The following PXDNL variants were observed in gnomAD, a reference collection of about 807,000 sequenced individuals.
PXDNL encodes the protein probable oxidoreductase PXDNL.
In PXDNL, 145 loss-of-function variants were observed where a neutral mutation model predicts 150.8. The observed-to-expected ratio is 0.96, with a 90% CI of 0.84 to 1.10. The LOEUF is 1.10. Among genes scored for constraint, PXDNL ranks in the 50% least tolerant of loss-of-function variants. The pLI is 0.00. For missense variants in PXDNL, 2,087 were observed against 1,873.9 expected (o/e 1.11, Z -2.10); for synonymous variants, 757 against 725.7 (o/e 1.04, Z -0.69).
intron 22 of PXDNL, 42 bp from the exon 23 acceptor site, chr8:51,320,064 A>G (rs1370446): frequency 0.27 from 363,340 of 1,337,640 alleles, 53,809 homozygotes; most frequent in African/African-American, 0.58. Flanking sequence ...GTTTCTTATA[A>G]TCAAAGTACT....
At chr8:51,486,866 T>C (rs1258163696) in intron 5 of PXDNL, among the ~76,000 whole-genome samples, 1 of 130,688 alleles carries the variant, frequency 7.7e-6, no homozygotes, top group African/African-American at 2.8e-5. Context: ...AGTGGCACAA[T>C]CTTGGCTCAC....
intron 21 of PXDNL, among the ~76,000 whole-genome samples, chr8:51,322,746 A>T (rs1209892425): frequency 1.3e-5 from 2 of 152,226 alleles, no homozygotes; most frequent in African/African-American, 4.8e-5. Context: ...AAAAGTCTTG[A>T]TGTGAAAGAA....
At chr8:51,362,933 T>C (rs1218765264) in intron 19 of PXDNL, among the ~76,000 whole-genome samples, 2 of 152,206 alleles carry the variant, frequency 1.3e-5, no homozygotes, top group Admixed American at 6.5e-5. Context: ...TAAATATAAG[T>C]AGGTACTTGT....
At chr8:51,358,326 C>T (rs1038268497) in intron 19 of PXDNL, among the ~76,000 whole-genome samples, 26 of 152,284 alleles carry the variant, frequency 1.7e-4, no homozygotes, top group Admixed American at 1.3e-4. Context: ...TTTTTACTTA[C>T]GATAATCCTG....
intron 2 of PXDNL, among the ~76,000 whole-genome samples, chr8:51,601,023 A>G (rs1813710082): frequency 6.8e-6 from 1 of 146,626 alleles, no homozygotes; most frequent in Non-Finnish European, 1.5e-5. Flanking sequence ...AATAAATTAC[A>G]TCTTATATAA....
In PXDNL at chr8:51,343,834, G is replaced by A. The variant is rs561565162; in HGVS notation, c.4016+1999C>T. Among the ~76,000 whole-genome samples, 6 of 152,250 alleles carry A rather than the reference G, an allele frequency of 3.9e-5. No individual in the cohort carries two copies. The East Asian group carries it at 1.2e-3, about 29-fold the overall frequency. On this transcript the variant is annotated intron_variant, in intron 20 of 22. Coordinates refer to ENST00000356297, the MANE Select transcript of PXDNL (RefSeq NM_144651.5). ...CACCTGAATCAATGGAAAAACAGATGAAATGCCAAATAAAAGGGCCAAGTG... is the reference window on the plus strand; with the variant it reads ...CACCTGAATCAATGGAAAAACAGATAAAATGCCAAATAAAAGGGCCAAGTG...
At chr8:51,518,761 T>C (rs1256605166) in intron 4 of PXDNL, among the ~76,000 whole-genome samples, 2 of 152,088 alleles carry the variant, frequency 1.3e-5, no homozygotes, top group Non-Finnish European at 1.5e-5. Flanking sequence ...CATGCAGCAA[T>C]TACATATTAA....
intron 1 of PXDNL, among the ~76,000 whole-genome samples, chr8:51,656,513 T>TA (rs1281578993): frequency 2.0e-5 from 3 of 152,180 alleles, no homozygotes; most frequent in African/African-American, 7.2e-5. Context: ...TGGTTTCTCT[T>TA]AAAAACAGAA....
intron 20 of PXDNL, among the ~76,000 whole-genome samples, chr8:51,342,254 G>A (rs964661768): frequency 1.3e-4 from 19 of 151,810 alleles, no homozygotes; most frequent in Non-Finnish European, 1.8e-4. Flanking sequence ...TAAAGTATAA[G>A]AGAAAAATCA....
At chr8:51,611,007 T>A (rs1363970302) in intron 2 of PXDNL, among the ~76,000 whole-genome samples, 1 of 152,086 alleles carries the variant, frequency 6.6e-6, no homozygotes, top group East Asian at 1.9e-4. Flanking sequence ...GCAACATGAG[T>A]GACATGAGTG....
At chr8:51,529,010 G>A (rs183704199) in intron 4 of PXDNL, among the ~76,000 whole-genome samples, 1 of 152,270 alleles carries the variant, frequency 6.6e-6, no homozygotes, top group Non-Finnish European at 1.5e-5. Flanking sequence ...TGGTTGTGGT[G>A]ATTTGTTATG....
At chr8:51,668,755 T>G (rs533609708) in intron 1 of PXDNL, among the ~76,000 whole-genome samples, 61 of 152,326 alleles carry the variant, frequency 4.0e-4, no homozygotes, top group African/African-American at 1.3e-3. Flanking sequence ...CATCTTCTTT[T>G]CAAAAAATTA....
chr8:51,332,499 G>A (rs183122590), intron 21 of PXDNL, among the ~76,000 whole-genome samples: 1 of 151,630 alleles, frequency 6.6e-6, no homozygotes. Flanking sequence ...ACGAGAAAAA[G>A]AATTCAGGAG....
At chr8:51,343,954 G>C (rs1054011401) in intron 20 of PXDNL, among the ~76,000 whole-genome samples, 5 of 152,120 alleles carry the variant, frequency 3.3e-5, no homozygotes, top group Non-Finnish European at 5.9e-5. Flanking sequence ...TTAGCTCCAG[G>C]AACACAAAAT....
chr8:51,544,695 G>A (rs1374232961), intron 4 of PXDNL, among the ~76,000 whole-genome samples: 1 of 152,040 alleles, frequency 6.6e-6, no homozygotes, highest in African/African-American at 2.4e-5. Context: ...ACTTTTTAGG[G>A]TCAAAGGCTA....
chr8:51,760,870 T>TTTTTTTTTTTC, intron 1 of PXDNL, among the ~76,000 whole-genome samples: 1 of 114,066 alleles, frequency 8.8e-6, no homozygotes, highest in Non-Finnish European at 1.9e-5. Context: ...TTTTTTTTTT[T>TTTTTTTTTTTC]TTTTTTGAGA....
chr8:51,408,737 C>T lies in PXDNL; in HGVS notation c.2887G>A (p.Glu963Lys), dbSNP rs1420658464. Residue 963 changes from glutamate (E) to lysine (K), a missense_variant, in exon 17 of 23, where the codon GAG becomes AAG. Physicochemically the swap from Glu to Lys is moderately conservative, Grantham distance 56 (BLOSUM62 1). Transcript: ENST00000356297. ...CFLAGDHRAN[E>K]HLALAAMHTL... ...TGCATGGCGGCCAGAGCCAGATGCTCGTTGGCCCGGTGGTCCCCGGCCAGG... is the reference window on the plus strand; with the variant it reads ...TGCATGGCGGCCAGAGCCAGATGCTTGTTGGCCCGGTGGTCCCCGGCCAGG... The T allele has an allele frequency of 1.9e-6, 3 of 1,588,674 alleles. No homozygotes were observed. The highest frequency in any genetic ancestry group is 2.6e-6 in the Non-Finnish European group (3 of 1,167,558).
intron 1 of PXDNL, among the ~76,000 whole-genome samples, chr8:51,716,562 C>T (rs888359924): frequency 1.8e-4 from 27 of 152,144 alleles, no homozygotes; most frequent in Non-Finnish European, 3.7e-4. Context: ...GAGGAAAAGG[C>T]CCTGTGAGTG....
At chr8:51,694,755 A>T (rs1816079840) in intron 1 of PXDNL, among the ~76,000 whole-genome samples, 1 of 152,222 alleles carries the variant, frequency 6.6e-6, no homozygotes, top group African/African-American at 2.4e-5. Context: ...ATTAGACTTA[A>T]CTTTATTTAA....
Sources: gnomAD v4.1 joint callset for allele counts (sites outside exome capture counted in the v4.1 genomes callset) on GRCh38, gnomAD v4.1.1 for gene constraint, MANE v1.5 for transcripts, NCBI Gene and HGNC (gene_info 2026-07-23, HGNC 2026-07-21) for gene names.